Variants in CDC14A observed in about 807,000 individuals in gnomAD.
The protein encoded by CDC14A is dual specificity protein phosphatase CDC14A.
Under a neutral mutation model 74.4 loss-of-function variants are expected in CDC14A, and 53 were observed. The observed-to-expected ratio is 0.71, with a 90% CI of 0.57 to 0.89. The LOEUF (loss-of-function observed/expected upper bound fraction) is 0.89. Ranked by LOEUF, CDC14A falls within the 40% of genes least tolerant of loss-of-function variation. The probability of loss-of-function intolerance (pLI) is 0.00; values close to 1 mark genes in which losing one functional copy is unlikely to be tolerated. For synonymous variants in CDC14A, 247 were observed against 258.4 expected, an observed-to-expected ratio of 0.96 and a Z score of 0.43; for missense variants, 646 against 713.7, an observed-to-expected ratio of 0.91 and a Z score of 1.08.
At chr1:100,457,278 T>C (rs757198563) in intron 8 of CDC14A, among the ~76,000 whole-genome samples, 3 of 152,228 alleles carry the variant, frequency 2.0e-5, no homozygotes, top group Admixed American at 6.5e-5. Context: ...GAAAAAAATT[T>C]TTTTTTAACA....
chr1:100,496,011 T>TA lies in CDC14A; in HGVS notation c.1261dup (p.Thr421AsnfsTer74). ...TCTTTGATTTCCGCAGGTCAGATGA[T>TA]ACAAAAGGACATCCAAGAGCAGTGT... On this transcript the variant is annotated frameshift_variant, in exon 13 of 16. Transcript: ENST00000336454. LOFTEE classifies it high-confidence loss of function. 1 of 1,613,936 alleles carries TA rather than the reference T, an allele frequency of 6.2e-7. No individual in the cohort carries two copies. Among genetic ancestry groups the TA allele is most frequent in the Non-Finnish European group, 8.5e-7 (1 of 1,179,816 alleles).
chr1:100,349,860 G>A (rs924860966), upstream of CDC14A, among the ~76,000 whole-genome samples: 7 of 151,534 alleles, frequency 4.6e-5, no homozygotes, highest in African/African-American at 9.7e-5. Flanking sequence ...TTTCTCTGTC[G>A]CCCAGGCTGG....
chr1:100,412,738 T>TATATATATATAAAATATATATATA (rs1491428571), intron 4 of CDC14A, among the ~76,000 whole-genome samples: 1 of 97,412 alleles, frequency 1.0e-5, no homozygotes, highest in African/African-American at 6.8e-5. Context: ...TATATATATA[T>TATATATATATAAAATATATATATA]TTTATATATA....
At position 100,426,112 on chromosome 1, in the gene CDC14A, GTAACA is replaced by G. The variant is rs549741309; in HGVS notation, c.389+1815_389+1819del. On this transcript the variant is annotated intron_variant, in intron 5 of 15. Transcript: ENST00000336454. ...TAGCATTATACTATTATTACTGTTA[GTAACA>G]TAATTAATAGTAGTAGTAATTATTA... Among the ~76,000 whole-genome samples the G allele has an allele frequency of 1.8e-4, 28 of 152,192 alleles. No individual in the cohort carries two copies. The East Asian group carries it at 4.8e-3, about 26-fold the overall frequency.
intron 1 of CDC14A, 97 bp from the exon 2 acceptor site, chr1:100,353,665 G>A (rs1651458622): frequency 1.5e-6 from 1 of 673,806 alleles, no homozygotes; most frequent in Non-Finnish European, 2.7e-6. Context: ...TGTTAATGGG[G>A]TCTTTAAATT....
rs990436534 is a variant in CDC14A at position 100,364,585 on chromosome 1, G to A, written c.140+10733G>A. Among the ~76,000 whole-genome samples the A allele has an allele frequency of 6.6e-5, 10 of 152,250 alleles. No individual in the cohort carries two copies. The East Asian group carries it at 1.9e-3, about 29-fold the overall frequency. On this transcript the variant is annotated intron_variant, in intron 2 of 15. Transcript: ENST00000336454. ...CTCAGCCACTTTATGAAATCTGAGG[G>A]TTAGCCTTTTATGTATGGGGGAATC...
intron 3 of CDC14A, among the ~76,000 whole-genome samples, chr1:100,382,419 G>A (rs1465518116): frequency 5.6e-5 from 7 of 124,790 alleles, no homozygotes; most frequent in African/African-American, 9.3e-5. Flanking sequence ...TTTAGTTTTT[G>A]TAGAGGCAGG....
At chr1:100,381,016 C>A (rs920679863) in intron 3 of CDC14A, among the ~76,000 whole-genome samples, 1 of 152,114 alleles carries the variant, frequency 6.6e-6, no homozygotes, top group South Asian at 2.1e-4. Context: ...AGATCTGTAT[C>A]GTTGATGAAT....
At chr1:100,416,654 T>G (rs754312654) in intron 4 of CDC14A, among the ~76,000 whole-genome samples, 1 of 152,170 alleles carries the variant, frequency 6.6e-6, no homozygotes, top group Non-Finnish European at 1.5e-5. Flanking sequence ...GGGTCCAGAT[T>G]CACCCAGAGA....
chr1:100,453,607 G>C (rs1666362348), intron 7 of CDC14A, among the ~76,000 whole-genome samples: 1 of 151,992 alleles, frequency 6.6e-6, no homozygotes, highest in African/African-American at 2.4e-5. Context: ...TAACACTCAG[G>C]GTTTCTTAGA....
intron 1 of CDC14A, among the ~76,000 whole-genome samples, chr1:100,347,074 G>A (rs1035229867): frequency 6.6e-6 from 1 of 152,174 alleles, no homozygotes; most frequent in African/African-American, 2.4e-5. Context: ...GAAGAAAATA[G>A]TTCTAGATAT....
At chr1:100,447,235 A>G (rs1571214918) in intron 7 of CDC14A, among the ~76,000 whole-genome samples, 1 of 152,318 alleles carries the variant, frequency 6.6e-6, no homozygotes, top group East Asian at 1.9e-4. Context: ...GAGGTGAGAT[A>G]CCTCAGGCTC....
At chr1:100,362,482 GTC>G (rs1159703972) in intron 2 of CDC14A, among the ~76,000 whole-genome samples, 1 of 151,940 alleles carries the variant, frequency 6.6e-6, no homozygotes, top group Non-Finnish European at 1.5e-5. Context: ...CACCATAAAT[GTC>G]TCTATATTAA....
At chr1:100,449,623 A>T (rs1390283719) in intron 7 of CDC14A, among the ~76,000 whole-genome samples, 2 of 152,092 alleles carry the variant, frequency 1.3e-5, no homozygotes, top group African/African-American at 4.8e-5. Flanking sequence ...ACCCCATGGA[A>T]GCTCTTCTCA....
intron 3 of CDC14A, among the ~76,000 whole-genome samples, chr1:100,382,355 A>G (rs1656253379): frequency 6.7e-6 from 1 of 149,128 alleles, no homozygotes. Flanking sequence ...AACTGGAAAT[A>G]TAGGTGCACA....
chr1:100,380,915 C>G (rs886694696), intron 3 of CDC14A, among the ~76,000 whole-genome samples: 6 of 152,202 alleles, frequency 3.9e-5, no homozygotes, highest in African/African-American at 9.7e-5. Flanking sequence ...TCTTTAATAC[C>G]TTGTCCAGCC....
intron 10 of CDC14A, among the ~76,000 whole-genome samples, chr1:100,473,368 C>T (rs533192095): frequency 6.6e-6 from 1 of 151,884 alleles, no homozygotes; most frequent in South Asian, 2.1e-4. Flanking sequence ...TGTAGAAATA[C>T]AATTGATTTA....
intron 2 of CDC14A, among the ~76,000 whole-genome samples, chr1:100,366,773 A>G (rs890499398): frequency 1.3e-5 from 2 of 152,160 alleles, no homozygotes; most frequent in Admixed American, 6.5e-5. Context: ...GATTTTAGCT[A>G]TTTACACTTA....
chr1:100,428,610 G>A (rs1663234065), intron 5 of CDC14A, among the ~76,000 whole-genome samples: 1 of 152,168 alleles, frequency 6.6e-6, no homozygotes, highest in Non-Finnish European at 1.5e-5. Flanking sequence ...ATCTCAGCTT[G>A]TCTAAAACCC....
Sources: allele counts gnomAD v4.1 joint callset (sites outside exome capture counted in the v4.1 genomes callset), GRCh38; gene constraint gnomAD v4.1.1; transcripts MANE v1.5; gene names NCBI Gene and HGNC (gene_info 2026-07-23, HGNC 2026-07-21).